Variants in FBLN1 observed in about 807,000 individuals in gnomAD.
The protein encoded by FBLN1 is fibulin-1.
FBLN1 carries 34 observed loss-of-function variants against 89.7 expected under a neutral mutation model. The ratio of observed to expected loss-of-function variants is 0.38; its 90% CI spans 0.29 to 0.50. The LOEUF (loss-of-function observed/expected upper bound fraction) is 0.50, where lower values mean the gene tolerates loss of function less well. Ranked by LOEUF, FBLN1 falls within the 20% of genes least tolerant of loss-of-function variation. The pLI, the probability that FBLN1 is intolerant of heterozygous loss-of-function variation, is 0.92. For synonymous variants in FBLN1, 393 were observed against 391.3 expected, an observed-to-expected ratio of 1.00 and a Z score of -0.05; for missense variants, 777 against 988.1, an observed-to-expected ratio of 0.79 and a Z score of 2.86.
chr22:45,525,615 C>A lies in FBLN1; in HGVS notation c.258C>A (p.Asn86Lys), dbSNP rs773164006. Residue 86 changes from asparagine (N) to lysine (K), a missense_variant, in exon 3 of 17, where the codon AAC (asparagine) becomes AAA (lysine). Asn to Lys is a moderately conservative substitution (Grantham distance 94). Transcript: ENST00000327858. ...LHCATGISLA[N>K]EQDRCATPHG... ...GTGCCACGGGCATCAGCCTGGCCAA[C>A]GAGCAGGACCGCTGTGCCACGCCCC... 6.4e-6 allele frequency: 10 copies of A among 1,550,994 alleles called. No individual in the cohort carries two copies. The highest frequency in any genetic ancestry group is 8.7e-6 in the Non-Finnish European group (10 of 1,146,940).
rs1469923377 is a variant in FBLN1 at position 45,590,559 on chromosome 22, T to C, written c.1973-9748T>C. On this transcript the variant is annotated intron_variant, in intron 16 of 16. Transcript: ENST00000327858. The surrounding 1 kb of genome is among the most constrained non-coding windows in gnomAD (Gnocchi z 4.1). ...GGCCCCCACGGTTGGATTTACCTCC[T>C]GGCTCTGAGCACAGTGGGAAGAGGC... Among the ~76,000 whole-genome samples the C allele has an allele frequency of 1.3e-5, 2 of 152,144 alleles. No homozygotes were observed. Among genetic ancestry groups the C allele is most frequent in the African/African-American group, 4.8e-5 (2 of 41,440 alleles).
rs2089011682 is a variant in FBLN1, at chr22:45,577,926, A to G, written c.1972+818A>G. The stretch of plus-strand genomic sequence containing the variant: ...CACAGCCCCTCTCCTGAACTGTCAC[A>G]TTTTAAAAGATTTACAGTCATGGGA... On this transcript the variant is annotated intron_variant, in intron 16 of 16. Coordinates refer to ENST00000327858, the MANE Select transcript of FBLN1 (RefSeq NM_006486.3). This position sits in a 1 kb window ranked among gnomAD's most constrained non-coding sequence, Gnocchi z 6.6. 6.5e-6 allele frequency: 1 copy of G among 152,728 alleles called. No individual in the cohort carries two copies. 9.5% of individuals were successfully genotyped at this position (152,728 alleles called of 1,614,324 possible).
chr22:45,593,963 A>G lies in FBLN1; in HGVS notation c.1973-6344A>G, dbSNP rs535033764. 9.2e-5 allele frequency among the ~76,000 whole-genome samples: 14 copies of G among 152,304 alleles called. No homozygotes were observed. In the South Asian group the frequency reaches 2.3e-3, roughly 25 times the overall value. On this transcript the variant is annotated intron_variant, in intron 16 of 16. Transcript: ENST00000327858. The stretch of plus-strand genomic sequence containing the variant: ...AGGCCGACTGTGAGCGTCCCCTGCA[A>G]TGAGCAGGTGCAGTGTTGCAGTGGA...
At chr22:45,585,151 A>G (rs2089073848) in intron 16 of FBLN1, among the ~76,000 whole-genome samples, 1 of 152,208 alleles carries the variant, frequency 6.6e-6, no homozygotes, top group Non-Finnish European at 1.5e-5. Flanking sequence ...GCTGCTATGT[A>G]CAGTTGGATG....
At chr22:45,593,395 C>T (rs926130307) in intron 16 of FBLN1, among the ~76,000 whole-genome samples, 1 of 152,090 alleles carries the variant, frequency 6.6e-6, no homozygotes, top group South Asian at 2.1e-4. Context: ...GAAAGTGAAG[C>T]GCCCGAGGGG....
chr22:45,543,785 G>A (rs2088590604), intron 11 of FBLN1, among the ~76,000 whole-genome samples: 1 of 152,236 alleles, frequency 6.6e-6, no homozygotes, highest in African/African-American at 2.4e-5. Context: ...ATGTGGCTAG[G>A]ATTATGGGGC....
rs1356971924 is a variant in FBLN1, at chr22:45,581,528, A to G, written c.1972+4420A>G. ...CCACATTTCTGTTAAAACCCTGCCA[A>G]TGCCAACAGGAGCTACAGAGCCTGC... On this transcript the variant is annotated intron_variant, in intron 16 of 16. Coordinates refer to ENST00000327858, the MANE Select transcript of FBLN1 (RefSeq NM_006486.3). The surrounding 1 kb of genome is among the most constrained non-coding windows in gnomAD (Gnocchi z 7.6). 6.6e-6 allele frequency among the ~76,000 whole-genome samples: 1 copy of G among 152,098 alleles called. No homozygotes were observed. Among genetic ancestry groups the G allele is most frequent in the African/African-American group, 2.4e-5 (1 of 41,400 alleles).
At chr22:45,571,111 CAAAAAAAA>C (rs542647353) in intron 14 of FBLN1, among the ~76,000 whole-genome samples, 4 of 70,862 alleles carry the variant, frequency 5.6e-5, no homozygotes, top group Admixed American at 1.8e-4. Flanking sequence ...ACAAGAGTCT[CAAAAAAAA>C]AAAAAAAAAA....
rs1421244512 is a variant in FBLN1 at position 45,557,885 on chromosome 22, T to C, written c.1697+7270T>C. ...GCACATCTGGTCATTTCTCCTTCCA[T>C]GCAAAGTGCACAACCAGGTGCATTG... On this transcript the variant is annotated intron_variant, in intron 14 of 16. Transcript: ENST00000327858. This position sits in a 1 kb window ranked among gnomAD's most constrained non-coding sequence, Gnocchi z 4.9. Among the ~76,000 whole-genome samples, 1 of 152,252 alleles carries C rather than the reference T, an allele frequency of 6.6e-6. No individual in the cohort carries two copies. Among genetic ancestry groups the C allele is most frequent in the Non-Finnish European group, 1.5e-5 (1 of 68,048 alleles).
Position 45,502,971 on chromosome 22 carries a change from C to G in FBLN1, c.-15C>G, listed in dbSNP as rs2087965110. 5.2e-6 allele frequency: 6 copies of G among 1,151,350 alleles called. No individual in the cohort carries two copies. The highest frequency in any genetic ancestry group is 6.4e-6 in the Non-Finnish European group (6 of 933,920). 71.3% of individuals were successfully genotyped at this position (1,151,350 alleles called of 1,614,324 possible). The stretch of plus-strand genomic sequence containing the variant: ...CCTTTGTCCGCCGCCGCCCACCGCC[C>G]GTCGCCCGCCGCCCATGGAGCGCGC... On this transcript the variant is annotated 5_prime_UTR_variant, in exon 1 of 17. Transcript: ENST00000327858.
rs1374628503 is a variant in FBLN1, at chr22:45,556,773, T to G, written c.1697+6158T>G. ...AATCTTAATTTCCAGTTTAATGGAA[T>G]CCTTGTTCTGTCTCCTGGTGGCGGC... On this transcript the variant is annotated intron_variant, in intron 14 of 16. Transcript: ENST00000327858. The surrounding 1 kb of genome is among the most constrained non-coding windows in gnomAD (Gnocchi z 4.6). Among the ~76,000 whole-genome samples the G allele has an allele frequency of 2.6e-5, 4 of 152,158 alleles. No homozygotes were observed. Among genetic ancestry groups the G allele is most frequent in the Non-Finnish European group, 5.9e-5 (4 of 68,024 alleles).
At chr22:45,555,681 A>G (rs982422204) in intron 14 of FBLN1, among the ~76,000 whole-genome samples, 2 of 152,154 alleles carry the variant, frequency 1.3e-5, no homozygotes, top group African/African-American at 4.8e-5. Flanking sequence ...CTTCAATCCA[A>G]TCAAGTTGAC....
intron 1 of FBLN1, among the ~76,000 whole-genome samples, chr22:45,516,358 A>G (rs1157439037): frequency 2.0e-5 from 3 of 152,224 alleles, no homozygotes; most frequent in Non-Finnish European, 4.4e-5. Context: ...CTGTCAGGCC[A>G]CATGGCTGGA....
chr22:45,524,615 A>G (rs1017306363), intron 2 of FBLN1, among the ~76,000 whole-genome samples: 3 of 152,024 alleles, frequency 2.0e-5, no homozygotes, highest in Non-Finnish European at 4.4e-5. Flanking sequence ...TGACCTGATA[A>G]AGGGGTGGAA....
intron 8 of FBLN1, 52 bp from the exon 9 acceptor site, chr22:45,541,177 C>T: frequency 6.2e-7 from 1 of 1,613,284 alleles, no homozygotes; most frequent in Non-Finnish European, 8.5e-7. Context: ...TTTTTGGGTT[C>T]TGGGACACCC....
intron 14 of FBLN1, among the ~76,000 whole-genome samples, chr22:45,559,057 G>A (rs1319427427): frequency 6.6e-6 from 1 of 152,230 alleles, no homozygotes; most frequent in Non-Finnish European, 1.5e-5. Flanking sequence ...CCGGAGAGTT[G>A]ATACACCCCT....
At position 45,543,634 on chromosome 22, in the gene FBLN1, A is replaced by C; in HGVS notation, c.1321+108A>C. ...CAGATCCGCGATGGTTTCCCTGTTA[A>C]ATGACATGTTAGCAGGGGAAGTGCC... On this transcript the variant is annotated intron_variant, in intron 11 of 16. Transcript: ENST00000327858. 4.3e-6 allele frequency: 6 copies of C among 1,407,720 alleles called. No individual in the cohort carries two copies. The South Asian group carries it at 7.4e-5, about 17-fold the overall frequency. The allele number at this position is 1,407,720 out of a possible 1,614,324, so 87.2% of individuals were successfully genotyped here.
At position 45,545,626 on chromosome 22, in the gene FBLN1, C is replaced by T. The variant is rs929885117; in HGVS notation, c.1322-1459C>T. Reference sequence around the variant, plus strand: ...CTGCCCCGGGTGTGTAGCAAGAACTCGGTCCTGCACTGGGGAGTGTCTCTA... The same window carrying T: ...CTGCCCCGGGTGTGTAGCAAGAACTTGGTCCTGCACTGGGGAGTGTCTCTA... On this transcript the variant is annotated intron_variant, in intron 11 of 16. Coordinates refer to ENST00000327858, the MANE Select transcript of FBLN1 (RefSeq NM_006486.3). The surrounding 1 kb of genome is among the most constrained non-coding windows in gnomAD (Gnocchi z 5.9). 2.6e-5 allele frequency among the ~76,000 whole-genome samples: 4 copies of T among 152,158 alleles called. No individual in the cohort carries two copies. Among genetic ancestry groups the T allele is most frequent in the Middle Eastern group, 3.2e-3 (1 of 316 alleles).
At chr22:45,596,118 C>T (rs1040875430) in intron 16 of FBLN1, among the ~76,000 whole-genome samples, 6 of 152,366 alleles carry the variant, frequency 3.9e-5, no homozygotes, top group South Asian at 2.1e-4. Context: ...ATCCGCCCGC[C>T]TCGGCCTCCC....
Sources: gnomAD v4.1 joint callset for allele counts (sites outside exome capture counted in the v4.1 genomes callset) on GRCh38, gnomAD v4.1.1 for gene constraint, Gnocchi (gnomAD v3.1) non-coding constraint, MANE v1.5 for transcripts, NCBI Gene and HGNC (gene_info 2026-07-23, HGNC 2026-07-21) for gene names.